TLE3: variants seen among roughly 807,000 people sequenced by gnomAD.
The protein encoded by TLE3 is transducin-like enhancer protein 3.
Under a neutral mutation model 93.0 loss-of-function variants are expected in TLE3, and 14 were observed. The observed-to-expected ratio is 0.15, with a 90% confidence interval of 0.10 to 0.24. The LOEUF is 0.24. Among genes scored for constraint, TLE3 ranks in the 10% least tolerant of loss-of-function variants. The pLI is 1.00. For synonymous variants in TLE3, 451 were observed against 425.0 expected (o/e 1.06, Z -0.75); for missense variants, 693 against 1,046.6 (o/e 0.66, Z 4.66).
intron 7 of TLE3, 32 bp downstream of exon 7, chr15:70,065,982 C>A: frequency 6.9e-7 from 1 of 1,450,952 alleles, no homozygotes. Context: ...CACCCCTGCC[C>A]CGCCCCACCC....
chr15:70,051,173 C>T (rs2055501452), intron 19 of TLE3: 3 of 438,132 alleles, frequency 6.8e-6, no homozygotes, highest in Non-Finnish European at 1.2e-5. Flanking sequence ...GGTCAGAAGC[C>T]ATCAGTAGCA....
chr15:70,071,157 T>C (rs1281797150), intron 6 of TLE3, among the ~76,000 whole-genome samples: 2 of 152,206 alleles, frequency 1.3e-5, no homozygotes, highest in African/African-American at 2.4e-5. Context: ...TGCTGCCTTC[T>C]GCAGGTTGCT....
At chr15:70,095,785 G>A (rs919196690) in intron 2 of TLE3, 144 bp from the exon 3 acceptor site, 23 of 958,098 alleles carry the variant, frequency 2.4e-5, no homozygotes, top group Middle Eastern at 3.2e-4. Flanking sequence ...CTGGGGACGC[G>A]GGGGGATTTG....
chr15:70,062,799 G>A (rs1478347996), intron 8 of TLE3, among the ~76,000 whole-genome samples: 7 of 152,118 alleles, frequency 4.6e-5, no homozygotes, highest in Non-Finnish European at 8.8e-5. Context: ...CATGCCATGC[G>A]CACAGCCTCG....
chr15:70,056,193 G>A, intron 14 of TLE3, 105 bp downstream of exon 14: 1 of 1,268,900 alleles, frequency 7.9e-7, no homozygotes, highest in East Asian at 2.3e-5. Context: ...AGGTGCACCA[G>A]GGCAAACCCT....
intron 4 of TLE3, among the ~76,000 whole-genome samples, chr15:70,091,877 C>A (rs936640062): frequency 2.0e-5 from 3 of 152,146 alleles, no homozygotes; most frequent in Admixed American, 2.0e-4. Flanking sequence ...TGGTGGAGTG[C>A]GTGTGCGTGT....
intron 18 of TLE3, among the ~76,000 whole-genome samples, 183 bp downstream of exon 18, chr15:70,052,191 A>C (rs2055610966): frequency 6.6e-6 from 1 of 152,214 alleles, no homozygotes; most frequent in Admixed American, 6.5e-5. Flanking sequence ...TGCATCCGAG[A>C]AACAAGGATG....
intron 4 of TLE3, among the ~76,000 whole-genome samples, chr15:70,080,137 G>A (rs543773211): frequency 1.3e-5 from 2 of 151,840 alleles, no homozygotes; most frequent in Middle Eastern, 3.4e-3. Context: ...GAACTCGATC[G>A]TATGTTGGAA....
intron 3 of TLE3, 38 bp from the exon 4 acceptor site, chr15:70,094,614 G>A (rs1050678426): frequency 2.8e-6 from 4 of 1,436,618 alleles, no homozygotes; most frequent in Non-Finnish European, 3.8e-6. Flanking sequence ...AGACAACACA[G>A]AAATCTGGTC....
chr15:70,071,315 C>T (rs139034746), intron 6 of TLE3, among the ~76,000 whole-genome samples: 4 of 152,258 alleles, frequency 2.6e-5, no homozygotes, highest in Non-Finnish European at 5.9e-5. Context: ...GACAATCTTC[C>T]ACTTCTCTTC....
intron 4 of TLE3, among the ~76,000 whole-genome samples, chr15:70,089,742 G>A (rs1483911183): frequency 1.3e-5 from 2 of 152,150 alleles, no homozygotes; most frequent in Non-Finnish European, 2.9e-5. Flanking sequence ...TTTTGCCCCT[G>A]GTGTCCCAGT....
At chr15:70,084,392 A>C (rs1396022844) in intron 4 of TLE3, among the ~76,000 whole-genome samples, 1 of 152,224 alleles carries the variant, frequency 6.6e-6, no homozygotes, top group Non-Finnish European at 1.5e-5. Context: ...CCACCACAAA[A>C]AATTATCCAG....
At chr15:70,062,514 T>C (rs1305682897) in intron 8 of TLE3, among the ~76,000 whole-genome samples, 2 of 152,224 alleles carry the variant, frequency 1.3e-5, no homozygotes, top group African/African-American at 4.8e-5. Context: ...ATGTCAGGCA[T>C]TTAGCGGCAT....
chr15:70,069,666 G>A (rs1330941695), intron 6 of TLE3, among the ~76,000 whole-genome samples: 1 of 152,250 alleles, frequency 6.6e-6, no homozygotes, highest in Non-Finnish European at 1.5e-5. Context: ...GCAGGGACAG[G>A]AGAGCCAACC....
At chr15:70,059,511 A>G (rs991367043) in intron 9 of TLE3, 51 bp from the exon 10 acceptor site, 1 of 1,559,658 alleles carries the variant, frequency 6.4e-7, no homozygotes, top group Non-Finnish European at 8.7e-7. Flanking sequence ...CACTTTCCCC[A>G]CCCCTGACTG....
chr15:70,086,343 A>G (rs1330674432), intron 4 of TLE3, among the ~76,000 whole-genome samples: 2 of 152,176 alleles, frequency 1.3e-5, no homozygotes, highest in Non-Finnish European at 2.9e-5. Flanking sequence ...ATCAGAATTA[A>G]TCAGTTTCAG....
intron 6 of TLE3, among the ~76,000 whole-genome samples, chr15:70,068,040 T>C (rs2056923561): frequency 6.6e-6 from 1 of 152,168 alleles, no homozygotes; most frequent in South Asian, 2.1e-4. Flanking sequence ...GCTAAGAAAC[T>C]CCAGCTCCTC....
At chr15:70,090,797 G>A (rs2058271827) in intron 4 of TLE3, among the ~76,000 whole-genome samples, 2 of 152,174 alleles carry the variant, frequency 1.3e-5, no homozygotes, top group African/African-American at 2.4e-5. Context: ...ATCATTAGTT[G>A]TGCAAATAGC....
intron 6 of TLE3, among the ~76,000 whole-genome samples, chr15:70,073,569 T>G (rs1002446042): frequency 8.5e-5 from 13 of 152,302 alleles, no homozygotes; most frequent in African/African-American, 2.9e-4. Flanking sequence ...AGATTTCCAG[T>G]CCCATCCCCA....
Sources: allele counts gnomAD v4.1 joint callset (sites outside exome capture counted in the v4.1 genomes callset), GRCh38; gene constraint gnomAD v4.1.1; transcripts MANE v1.5; gene names NCBI Gene and HGNC (gene_info 2026-07-23, HGNC 2026-07-21).